The following RIN2 variants were observed in gnomAD, a reference collection of about 807,000 sequenced individuals.
The protein encoded by RIN2 is RAB5 interacting protein 2.
In RIN2, 36 loss-of-function variants were observed where a neutral mutation model predicts 78.0. That is an observed-to-expected ratio of 0.46 (90% confidence interval 0.35 to 0.61). The LOEUF is 0.61. Ranked by LOEUF, RIN2 falls within the 20% of genes least tolerant of loss-of-function variation. The pLI is 0.00. For synonymous variants in RIN2, 466 were observed against 466.8 expected, an observed-to-expected ratio of 1.00 and a Z score of 0.02; for missense variants, 1,087 against 1,159.7, an observed-to-expected ratio of 0.94 and a Z score of 0.91.
intron 3 of RIN2, among the ~76,000 whole-genome samples, chr20:19,908,084 C>G (rs1056289868): frequency 6.6e-6 from 1 of 152,262 alleles, no homozygotes; most frequent in South Asian, 2.1e-4. Context: ...GAGCCTTCAC[C>G]ACAGTCGGGA....
At chr20:19,759,464 AG>A (rs748482048) in intron 1 of RIN2, among the ~76,000 whole-genome samples, 1 of 152,264 alleles carries the variant, frequency 6.6e-6, no homozygotes, top group Non-Finnish European at 1.5e-5. Flanking sequence ...TCCATCATTA[AG>A]ATAAATAGTA....
At chr20:19,988,566 A>C (rs550973896) in intron 9 of RIN2, among the ~76,000 whole-genome samples, 1 of 152,354 alleles carries the variant, frequency 6.6e-6, no homozygotes, top group East Asian at 1.9e-4. Flanking sequence ...GAGGTCAAAA[A>C]GCTGCTATTG....
At chr20:19,894,473 A>G (rs908780756) in intron 3 of RIN2, among the ~76,000 whole-genome samples, 3 of 152,118 alleles carry the variant, frequency 2.0e-5, no homozygotes, top group African/African-American at 7.2e-5. Context: ...GCTGGCCTCA[A>G]ACTCCTAGCT....
rs2039306060 is a variant in RIN2 at position 19,908,274 on chromosome 20, G to A, written c.57+18616G>A. ...TGGGAGGCCGAGGTGGGCAGATCATGAGGTCAGGAGATCGAGACCATCCTG... is the reference window on the plus strand; with the variant it reads ...TGGGAGGCCGAGGTGGGCAGATCATAAGGTCAGGAGATCGAGACCATCCTG... On this transcript the variant is annotated intron_variant, in intron 3 of 12. Coordinates refer to ENST00000255006, the MANE Select transcript of RIN2 (RefSeq NM_018993.4). 3.3e-5 allele frequency among the ~76,000 whole-genome samples: 5 copies of A among 152,164 alleles called. No homozygotes were observed. In the South Asian group the frequency reaches 1.0e-3, roughly 32 times the overall value.
At position 19,790,074 on chromosome 20, in the gene RIN2, C is replaced by G. The variant is rs190840375; in HGVS notation, c.-162-9548C>G. ...TCAAAATGTGGCACCCAGAATTGAA[C>G]AGAAGGCTTGAAGGTGATCTGGCCT... On this transcript the variant is annotated intron_variant, in intron 1 of 12. Coordinates refer to ENST00000255006, the MANE Select transcript of RIN2 (RefSeq NM_018993.4). Among the ~76,000 whole-genome samples, 324 of 152,252 alleles carry G rather than the reference C, an allele frequency of 2.1e-3. 1 individual carries two copies. Among genetic ancestry groups the G allele is most frequent in the South Asian group, 3.3e-3 (16 of 4,824 alleles).
rs113104665 is a variant in RIN2, at chr20:19,819,193, C to T, written c.-37+19446C>T. The stretch of plus-strand genomic sequence containing the variant: ...TAAACAACAGAAATGTATGTCCTGT[C>T]GTTCTGAAGGCTGAGAAGTCCAAGG... On this transcript the variant is annotated intron_variant, in intron 2 of 12. Coordinates refer to ENST00000255006, the MANE Select transcript of RIN2 (RefSeq NM_018993.4). 7.8e-3 allele frequency among the ~76,000 whole-genome samples: 1,185 copies of T among 152,294 alleles called. 13 individuals are homozygous for T. Among genetic ancestry groups the T allele is most frequent in the African/African-American group, 0.027 (1,105 of 41,552 alleles).
At chr20:20,000,042 A>G (rs1238512311) in intron 12 of RIN2, among the ~76,000 whole-genome samples, 1 of 152,186 alleles carries the variant, frequency 6.6e-6, no homozygotes, top group Non-Finnish European at 1.5e-5. Context: ...GTCAAAAGTG[A>G]ACACAAGCCA....
At chr20:19,908,668 G>C (rs2039331253) in intron 3 of RIN2, among the ~76,000 whole-genome samples, 1 of 152,126 alleles carries the variant, frequency 6.6e-6, no homozygotes, top group South Asian at 2.1e-4. Context: ...CTAAGACTTC[G>C]AGTTTCAAAG....
chr20:19,771,620 C>T (rs144474350), intron 1 of RIN2, among the ~76,000 whole-genome samples: 3 of 152,310 alleles, frequency 2.0e-5, no homozygotes, highest in East Asian at 1.9e-4. Context: ...CACACCTCTT[C>T]GGATCCATCT....
At chr20:19,973,877 G>A (rs2042184744) in intron 8 of RIN2, among the ~76,000 whole-genome samples, 2 of 152,102 alleles carry the variant, frequency 1.3e-5, no homozygotes, top group Non-Finnish European at 2.9e-5. Context: ...AACTTACATG[G>A]AACACTGAGA....
At chr20:19,921,158 CTT>C (rs991429156) in intron 3 of RIN2, among the ~76,000 whole-genome samples, 5 of 152,160 alleles carry the variant, frequency 3.3e-5, no homozygotes, top group Non-Finnish European at 5.9e-5. Flanking sequence ...ACTTTGATCT[CTT>C]TTGTATGTTG....
At chr20:19,908,231 C>T (rs936999555) in intron 3 of RIN2, among the ~76,000 whole-genome samples, 3 of 152,122 alleles carry the variant, frequency 2.0e-5, no homozygotes, top group Non-Finnish European at 2.9e-5. Flanking sequence ...GTGGCTCACA[C>T]CTACAATCCC....
chr20:19,825,736 A>T (rs886851885), intron 2 of RIN2, among the ~76,000 whole-genome samples: 1 of 152,192 alleles, frequency 6.6e-6, no homozygotes, highest in African/African-American at 2.4e-5. Flanking sequence ...CAAACAAAAG[A>T]TGCTCTCACG....
chr20:19,889,531 G>C, intron 2 of RIN2, 35 bp from the exon 3 acceptor site: 1 of 1,530,500 alleles, frequency 6.5e-7, no homozygotes. Context: ...TTTCCTACAG[G>C]CTGGACTAAC....
chr20:19,836,720 C>T (rs917731103), intron 2 of RIN2, among the ~76,000 whole-genome samples: 7 of 151,976 alleles, frequency 4.6e-5, no homozygotes, highest in Non-Finnish European at 1.5e-5. Context: ...ATTTTTGTAG[C>T]TGTTATGATA....
intron 7 of RIN2, among the ~76,000 whole-genome samples, chr20:19,966,270 C>T (rs7266454): frequency 0.015 from 2,298 of 151,394 alleles, 51 homozygotes; most frequent in African/African-American, 0.053. Context: ...GGTTGTTTCT[C>T]AAAGACTAAA....
intron 1 of RIN2, among the ~76,000 whole-genome samples, chr20:19,785,275 TACACACACAC>T (rs11471757): frequency 1.4e-5 from 2 of 143,048 alleles, no homozygotes; most frequent in East Asian, 2.0e-4. Flanking sequence ...CCCCTCTACA[TACACACACAC>T]ACACACACAC....
chr20:19,871,290 C>T (rs1391858510), intron 2 of RIN2, among the ~76,000 whole-genome samples: 1 of 152,138 alleles, frequency 6.6e-6, no homozygotes, highest in Non-Finnish European at 1.5e-5. Context: ...ATGATACTCT[C>T]GCCAGGTAGG....
At chr20:19,995,789 A>G (rs751712392) in intron 11 of RIN2, among the ~76,000 whole-genome samples, 1 of 152,216 alleles carries the variant, frequency 6.6e-6, no homozygotes, top group Admixed American at 6.5e-5. Context: ...AAGATTTAGA[A>G]AATACTCATT....
Sources: gnomAD v4.1 joint callset for allele counts (sites outside exome capture counted in the v4.1 genomes callset) on GRCh38, gnomAD v4.1.1 for gene constraint, MANE v1.5 for transcripts, NCBI Gene and HGNC (gene_info 2026-07-23, HGNC 2026-07-21) for gene names.